Variants in LPP observed in about 807,000 individuals in gnomAD.
The protein encoded by LPP is lipoma-preferred partner.
A neutral mutation model predicts 60.4 loss-of-function variants in LPP; 38 were observed. The observed-to-expected ratio is 0.63, with a 90% CI of 0.49 to 0.83. The LOEUF is 0.83. Among genes scored for constraint, LPP ranks in the 40% least tolerant of loss-of-function variants. LPP has a pLI of 0.00. For missense variants in LPP, 902 were observed against 783.6 expected (o/e 1.15, Z -1.80); for synonymous variants, 328 against 290.8 (o/e 1.13, Z -1.30).
rs1553833685 is a variant in LPP, at chr3:188,248,497, T to TAC, written c.-67+22972_-67+22973dup. ...ATATATATATATATATATATATATA[T>TAC]ACAGTCAGCAGAGCTTGTTTTGGAA... is the stretch of plus-strand genomic sequence containing the variant. On this transcript the variant is annotated intron_variant, in intron 2 of 11. Transcript: ENST00000617246. 1.4e-4 allele frequency among the ~76,000 whole-genome samples: 19 copies of TAC among 140,728 alleles called. 1 individual carries two copies. The highest frequency in any genetic ancestry group is 7.6e-5 in the Non-Finnish European group (5 of 65,368). The allele number at this position is 140,728 out of a possible 152,430, so 92.3% of individuals were successfully genotyped here. A position where few individuals can be genotyped will look rare whatever the true frequency, so the allele number is the denominator to read the frequency against.
At chr3:188,269,997 GTTTCTTTTCT>G (rs757676442) in intron 2 of LPP, among the ~76,000 whole-genome samples, 4 of 119,694 alleles carry the variant, frequency 3.3e-5, no homozygotes, top group Admixed American at 8.1e-5. Flanking sequence ...TTTTCTTATC[GTTTCTTTTCT>G]TTTCTTTTCT....
chr3:188,441,604 C>CTTTTTTTTTTT (rs1793873957), intron 4 of LPP, among the ~76,000 whole-genome samples: 1 of 39,972 alleles, frequency 2.5e-5, no homozygotes, highest in Non-Finnish European at 4.8e-5. Flanking sequence ...TTTTTCTTTT[C>CTTTTTTTTTTT]TTTTCTTTTT....
At chr3:188,640,919 G>T (rs761223099) in intron 7 of LPP, among the ~76,000 whole-genome samples, 12 of 152,152 alleles carry the variant, frequency 7.9e-5, no homozygotes, top group Non-Finnish European at 1.5e-4. Context: ...AAGGCCAAAT[G>T]CCATAATGTG....
chr3:188,400,632 G>GCAGCTCCC, intron 3 of LPP, among the ~76,000 whole-genome samples: 1 of 152,322 alleles, frequency 6.6e-6, no homozygotes, highest in Admixed American at 6.5e-5. Flanking sequence ...TGAGGAAGCA[G>GCAGCTCCC]CAGCTCCCCA....
chr3:188,245,109 GC>G (rs1470555717), intron 2 of LPP, among the ~76,000 whole-genome samples: 1 of 151,816 alleles, frequency 6.6e-6, no homozygotes, highest in East Asian at 1.9e-4. Context: ...TTCCCACCCT[GC>G]CCCCGCCTTT....
chr3:188,636,812 C>G (rs147107146), intron 7 of LPP, among the ~76,000 whole-genome samples: 15,029 of 151,540 alleles, frequency 0.099, 758 homozygotes, highest in African/African-American at 0.12. Context: ...ACACCTCACA[C>G]GGCAGGGTAT....
chr3:188,841,389 A>ATTGGTT (rs1759942346), intron 9 of LPP, among the ~76,000 whole-genome samples: 1 of 94,530 alleles, frequency 1.1e-5, no homozygotes, highest in Admixed American at 1.4e-4. Context: ...CCCTTTCTGA[A>ATTGGTT]TTTGTTTTTT....
intron 7 of LPP, among the ~76,000 whole-genome samples, chr3:188,632,251 A>C (rs1304316211): frequency 6.6e-5 from 10 of 152,206 alleles, no homozygotes; most frequent in Non-Finnish European, 1.0e-4. Flanking sequence ...CTGCATAGAA[A>C]GTAATGGGTA....
Position 188,467,287 on chromosome 3 carries a change from A to G in LPP, c.194-17305A>G, listed in dbSNP as rs186008034. On this transcript the variant is annotated intron_variant, in intron 4 of 11. Coordinates refer to ENST00000617246, the MANE Select transcript of LPP (RefSeq NM_001375462.1). ...TTAAAAAATAGAAGTATCTTAAATA[A>G]TATGTTTAAATTTTTTAAAAATATG... 6.2e-4 allele frequency among the ~76,000 whole-genome samples: 95 copies of G among 152,246 alleles called. 1 individual carries two copies. In the East Asian group the frequency reaches 0.016, roughly 26 times the overall value.
chr3:188,681,272 GC>G (rs1240363775), intron 7 of LPP, among the ~76,000 whole-genome samples: 1 of 152,122 alleles, frequency 6.6e-6, no homozygotes, highest in Non-Finnish European at 1.5e-5. Context: ...GGGATTACAG[GC>G]GTGAGCCACC....
Position 188,887,264 on chromosome 3 carries a change from T to C in LPP, c.*12785T>C, listed in dbSNP as rs2152102413. Reference sequence around the variant, plus strand: ...TTTTCTTAGATACATTTCTTCCTTTTTTATTCTTTCTTGGGAGACGTTAAG... The same window carrying C: ...TTTTCTTAGATACATTTCTTCCTTTCTTATTCTTTCTTGGGAGACGTTAAG... On this transcript the variant is annotated 3_prime_UTR_variant, in exon 12 of 12. Coordinates refer to ENST00000617246, the MANE Select transcript of LPP (RefSeq NM_001375462.1). 1 of 218,892 alleles carries C rather than the reference T, an allele frequency of 4.6e-6. No homozygotes were observed. The highest frequency in any genetic ancestry group is 1.4e-3 in the Middle Eastern group (1 of 706). The allele number at this position is 218,892 out of a possible 1,614,324, so 13.6% of individuals were successfully genotyped here.
At chr3:188,347,084 G>C (rs1560278292) in intron 3 of LPP, among the ~76,000 whole-genome samples, 1 of 152,180 alleles carries the variant, frequency 6.6e-6, no homozygotes, top group Non-Finnish European at 1.5e-5. Flanking sequence ...GCTCAGAGAG[G>C]TTGAGTAATT....
intron 4 of LPP, among the ~76,000 whole-genome samples, chr3:188,440,666 A>C (rs1263277452): frequency 6.6e-6 from 1 of 152,192 alleles, no homozygotes; most frequent in Non-Finnish European, 1.5e-5. Context: ...TTTTCCTGAA[A>C]CTTACTGCTG....
At chr3:188,579,395 T>C (rs750627147) in intron 6 of LPP, among the ~76,000 whole-genome samples, 2 of 152,232 alleles carry the variant, frequency 1.3e-5, no homozygotes, top group Non-Finnish European at 2.9e-5. Context: ...GTGTCCTCTT[T>C]GGAACTTCAG....
At position 188,206,668 on chromosome 3, in the gene LPP, C is replaced by T. The variant is rs188834069; in HGVS notation, c.-189-18737C>T. ...AGGATTTCATCTCTTAGAAATGAGA[C>T]GGGGAGAATCTGGGCGATGAGAAAG... On this transcript the variant is annotated intron_variant, in intron 1 of 11. Transcript: ENST00000617246. 3.1e-3 allele frequency among the ~76,000 whole-genome samples: 474 copies of T among 152,156 alleles called. 14 individuals are homozygous for T. The highest frequency in any genetic ancestry group is 0.028 in the Admixed American group (426 of 15,282).
At chr3:188,721,356 A>G (rs979920923) in intron 8 of LPP, among the ~76,000 whole-genome samples, 3 of 152,098 alleles carry the variant, frequency 2.0e-5, no homozygotes, top group African/African-American at 7.2e-5. Context: ...TTTGAGACCA[A>G]CCCAGGCAAC....
chr3:188,761,397 A>C (rs923597506), intron 9 of LPP, among the ~76,000 whole-genome samples: 1 of 152,216 alleles, frequency 6.6e-6, no homozygotes, highest in Non-Finnish European at 1.5e-5. Flanking sequence ...ATGGCTTTGC[A>C]TCTGTCTTAG....
intron 9 of LPP, among the ~76,000 whole-genome samples, chr3:188,797,723 G>C (rs1745794978): frequency 6.6e-6 from 1 of 152,144 alleles, no homozygotes. Flanking sequence ...GTTAGAAGTA[G>C]TCACTCCCTG....
intron 7 of LPP, among the ~76,000 whole-genome samples, chr3:188,667,119 A>G (rs1031519471): frequency 6.6e-6 from 1 of 152,186 alleles, no homozygotes; most frequent in Non-Finnish European, 1.5e-5. Context: ...TGAAGTTAGA[A>G]GTTCATTTTA....
Sources: allele counts gnomAD v4.1 joint callset (sites outside exome capture counted in the v4.1 genomes callset), GRCh38; gene constraint gnomAD v4.1.1; transcripts MANE v1.5; gene names NCBI Gene and HGNC (gene_info 2026-07-23, HGNC 2026-07-21).